ARL15: variants seen among roughly 807,000 people sequenced by gnomAD.
ARL15 encodes ADP-ribosylation factor-like protein 15.
Under a neutral mutation model 25.2 loss-of-function variants are expected in ARL15, and 19 were observed. The ratio of observed to expected loss-of-function variants is 0.75; its 90% CI spans 0.53 to 1.10. The LOEUF (loss-of-function observed/expected upper bound fraction) is 1.10. Ranked by LOEUF, ARL15 falls within the 50% of genes least tolerant of loss-of-function variation. The probability of loss-of-function intolerance (pLI) is 0.00; values close to 1 mark genes in which losing one functional copy is unlikely to be tolerated. For missense variants in ARL15, 220 were observed against 246.0 expected (o/e 0.89, Z 0.71); for synonymous variants, 94 against 86.8 (o/e 1.08, Z -0.46).
intron 4 of ARL15, among the ~76,000 whole-genome samples, chr5:54,003,834 A>G (rs550996288): frequency 3.3e-5 from 5 of 152,328 alleles, no homozygotes; most frequent in Non-Finnish European, 7.3e-5. Flanking sequence ...TTCATTAGAA[A>G]CAAAAGAAAC....
At chr5:54,144,559 G>C (rs1326317551) in intron 3 of ARL15, among the ~76,000 whole-genome samples, 2 of 152,092 alleles carry the variant, frequency 1.3e-5, no homozygotes, top group Non-Finnish European at 2.9e-5. Context: ...CTAGGTCCTT[G>C]AATATTTTTT....
At chr5:54,199,916 T>TG (rs1353923570) in intron 1 of ARL15, among the ~76,000 whole-genome samples, 13 of 128,090 alleles carry the variant, frequency 1.0e-4, no homozygotes, top group African/African-American at 4.0e-4. Flanking sequence ...AATGATAGAC[T>TG]GGATTAAGAA....
intron 4 of ARL15, among the ~76,000 whole-genome samples, chr5:53,997,668 G>A (rs1351623149): frequency 6.6e-6 from 1 of 152,102 alleles, no homozygotes; most frequent in Non-Finnish European, 1.5e-5. Context: ...GGATGAAGGA[G>A]GTGAATGGGG....
intron 3 of ARL15, among the ~76,000 whole-genome samples, chr5:54,136,099 A>G (rs1179565994): frequency 6.6e-6 from 1 of 152,220 alleles, no homozygotes; most frequent in Non-Finnish European, 1.5e-5. Context: ...ATATAAAAAT[A>G]TATAAGCCAT....
intron 4 of ARL15, among the ~76,000 whole-genome samples, chr5:53,973,574 C>CAA (rs34108460): frequency 0.037 from 3,257 of 86,976 alleles, 85 homozygotes; most frequent in South Asian, 0.077. Context: ...AACTTCATCT[C>CAA]AAAAAAAAAA....
intron 4 of ARL15, among the ~76,000 whole-genome samples, chr5:54,001,384 C>T (rs1224536036): frequency 6.6e-6 from 1 of 152,098 alleles, no homozygotes. Flanking sequence ...AAAGTCAATA[C>T]CCCACTCTAG....
chr5:53,908,745 C>G (rs770470846), intron 4 of ARL15, among the ~76,000 whole-genome samples: 4 of 152,150 alleles, frequency 2.6e-5, no homozygotes, highest in Non-Finnish European at 5.9e-5. Context: ...CGTACACTCA[C>G]TAAATGCACA....
intron 3 of ARL15, among the ~76,000 whole-genome samples, chr5:54,128,819 C>A (rs1435932024): frequency 1.3e-5 from 2 of 151,350 alleles, no homozygotes; most frequent in Non-Finnish European, 2.9e-5. Flanking sequence ...GATTCTCCTG[C>A]CTCAGCCTCC....
chr5:54,086,478 C>A (rs1751969276), intron 4 of ARL15, among the ~76,000 whole-genome samples: 1 of 149,830 alleles, frequency 6.7e-6, no homozygotes, highest in Admixed American at 6.6e-5. Context: ...TTCGCAGTAG[C>A]TTAAATAGAC....
At chr5:54,230,270 C>T (rs754267213) in intron 1 of ARL15, among the ~76,000 whole-genome samples, 37 of 149,988 alleles carry the variant, frequency 2.5e-4, no homozygotes, top group Non-Finnish European at 3.8e-4. Flanking sequence ...TCGCTTGAAC[C>T]GGCAGGCGGA....
chr5:54,058,233 T>C (rs1352687654), intron 4 of ARL15, among the ~76,000 whole-genome samples: 1 of 152,058 alleles, frequency 6.6e-6, no homozygotes, highest in Non-Finnish European at 1.5e-5. Flanking sequence ...CTCGAATTCC[T>C]GACCTCAGGT....
At chr5:54,139,019 G>A (rs564784572) in intron 3 of ARL15, among the ~76,000 whole-genome samples, 95 of 152,278 alleles carry the variant, frequency 6.2e-4, no homozygotes, top group African/African-American at 2.1e-3. Context: ...AAAAATAGAT[G>A]TTGGTGTAGA....
At chr5:54,122,479 C>CT (rs1432770198) in intron 3 of ARL15, among the ~76,000 whole-genome samples, 1 of 152,244 alleles carries the variant, frequency 6.6e-6, no homozygotes, top group Non-Finnish European at 1.5e-5. Context: ...ATGATGTTAC[C>CT]TACAAGGCTG....
At chr5:54,111,806 A>T (rs1366322616) in intron 4 of ARL15, among the ~76,000 whole-genome samples, 1 of 152,082 alleles carries the variant, frequency 6.6e-6, no homozygotes, top group African/African-American at 2.4e-5. Flanking sequence ...ACGACCTTAT[A>T]ATCATAAACT....
At chr5:54,123,044 G>A (rs1017255738) in intron 3 of ARL15, among the ~76,000 whole-genome samples, 1 of 151,822 alleles carries the variant, frequency 6.6e-6, no homozygotes, top group African/African-American at 2.4e-5. Context: ...TCGATTCGAG[G>A]ACAAGAAGTC....
chr5:54,280,099 A>G (rs144199283), intron 1 of ARL15, among the ~76,000 whole-genome samples: 1,907 of 152,266 alleles, frequency 0.013, 46 homozygotes, highest in African/African-American at 0.044. Flanking sequence ...TCCAGCCAAG[A>G]CTTCTCAGGA....
intron 4 of ARL15, among the ~76,000 whole-genome samples, chr5:53,970,204 A>T (rs1319501716): frequency 6.6e-6 from 1 of 152,224 alleles, no homozygotes; most frequent in African/African-American, 2.4e-5. Context: ...TGAAAACAGA[A>T]AATAAAAACT....
intron 1 of ARL15, among the ~76,000 whole-genome samples, chr5:54,218,610 C>T (rs1222578069): frequency 6.6e-6 from 1 of 152,130 alleles, no homozygotes; most frequent in African/African-American, 2.4e-5. Flanking sequence ...AGCATAAAAA[C>T]CCCTTAGGGT....
intron 4 of ARL15, among the ~76,000 whole-genome samples, chr5:53,992,978 G>T (rs1748554363): frequency 6.6e-6 from 1 of 151,838 alleles, no homozygotes; most frequent in East Asian, 1.9e-4. Flanking sequence ...CCCGGGAGGT[G>T]GAAGTTGCTG....
Sources: allele counts gnomAD v4.1 joint callset (sites outside exome capture counted in the v4.1 genomes callset), GRCh38; gene constraint gnomAD v4.1.1; transcripts MANE v1.5; gene names NCBI Gene and HGNC (gene_info 2026-07-23, HGNC 2026-07-21).